NKAIN3: variants seen among roughly 807,000 people sequenced by gnomAD.
NKAIN3 encodes sodium/potassium transporting ATPase interacting 3, also known as sodium/potassium-transporting ATPase subunit beta-1-interacting protein 3.
In NKAIN3, 25 loss-of-function variants were observed where a neutral mutation model predicts 30.2. The ratio of observed to expected loss-of-function variants is 0.83; its 90% confidence interval spans 0.60 to 1.16. The LOEUF (loss-of-function observed/expected upper bound fraction) is 1.16, where lower values mean the gene tolerates loss of function less well. Ranked by LOEUF, NKAIN3 falls within the 50% of genes most tolerant of loss-of-function variation. The pLI, the probability that NKAIN3 is intolerant of heterozygous loss-of-function variation, is 0.00. For synonymous variants in NKAIN3, 91 were observed against 89.6 expected (o/e 1.02, Z -0.09); for missense variants, 225 against 254.1 (o/e 0.89, Z 0.78).
At position 62,979,753 on chromosome 8, in the gene NKAIN3, T is replaced by C. The variant is rs142274035; in HGVS notation, c.*14346T>C. The stretch of plus-strand genomic sequence containing the variant: ...CAGTCTAGTCTTCTTTCCTCTGCAC[T>C]TGGTGGCCATCAGCTGTAACAAGTC... On this transcript the variant is annotated 3_prime_UTR_variant, in exon 7 of 7. Transcript: ENST00000623646. The C allele has an allele frequency of 2.0e-4, 30 of 152,366 alleles. No individual in the cohort carries two copies. Among genetic ancestry groups the C allele is most frequent in the African/African-American group, 6.7e-4 (28 of 41,584 alleles). The allele number at this position is 152,366 out of a possible 1,614,324, so 9.4% of individuals were successfully genotyped here.
At chr8:62,728,085 A>G (rs1005211100) in intron 3 of NKAIN3, among the ~76,000 whole-genome samples, 2 of 152,220 alleles carry the variant, frequency 1.3e-5, no homozygotes, top group Non-Finnish European at 2.9e-5. Flanking sequence ...AAATGATACT[A>G]TAACAACTGG....
At chr8:62,258,886 C>T (rs1231005750) in intron 1 of NKAIN3, among the ~76,000 whole-genome samples, 1 of 152,144 alleles carries the variant, frequency 6.6e-6, no homozygotes, top group Non-Finnish European at 1.5e-5. Context: ...CTGGAGCAAA[C>T]AGCAGATCAG....
chr8:62,720,838 G>A (rs1815066191), intron 3 of NKAIN3, among the ~76,000 whole-genome samples: 1 of 152,180 alleles, frequency 6.6e-6, no homozygotes, highest in Non-Finnish European at 1.5e-5. Flanking sequence ...ACATTAACTT[G>A]TTCATAGAAG....
At chr8:62,558,054 G>T (rs150782040) in intron 1 of NKAIN3, among the ~76,000 whole-genome samples, 2 of 152,062 alleles carry the variant, frequency 1.3e-5, no homozygotes, top group Non-Finnish European at 2.9e-5. Flanking sequence ...TTAGATTTAA[G>T]TCCTTGACCC....
At chr8:62,867,869 T>C (rs1279351431) in intron 4 of NKAIN3, among the ~76,000 whole-genome samples, 1 of 152,256 alleles carries the variant, frequency 6.6e-6, no homozygotes, top group African/African-American at 2.4e-5. Flanking sequence ...TAGATCCCTT[T>C]GTTTTATGTG....
At chr8:62,458,415 C>A (rs1330401484) in intron 1 of NKAIN3, among the ~76,000 whole-genome samples, 1 of 152,126 alleles carries the variant, frequency 6.6e-6, no homozygotes, top group East Asian at 1.9e-4. Flanking sequence ...CCATGGGAAC[C>A]AGACTGCAGA....
chr8:62,415,991 C>G (rs1250649232), intron 1 of NKAIN3, among the ~76,000 whole-genome samples: 1 of 151,982 alleles, frequency 6.6e-6, no homozygotes, highest in Non-Finnish European at 1.5e-5. Flanking sequence ...CTCCTGACCT[C>G]GTGATCCTCC....
intron 4 of NKAIN3, among the ~76,000 whole-genome samples, chr8:62,755,368 A>G (rs1397072665): frequency 6.6e-6 from 1 of 152,206 alleles, no homozygotes; most frequent in Non-Finnish European, 1.5e-5. Context: ...CCACTATTAG[A>G]AAGTAAAAAT....
intron 1 of NKAIN3, among the ~76,000 whole-genome samples, chr8:62,514,804 ATC>A: frequency 6.6e-6 from 1 of 152,016 alleles, no homozygotes; most frequent in East Asian, 1.9e-4. Context: ...TGTTCCACCG[ATC>A]TCTCTTTCCT....
intron 1 of NKAIN3, among the ~76,000 whole-genome samples, chr8:62,548,636 T>C (rs1163039058): frequency 6.6e-6 from 1 of 152,118 alleles, no homozygotes; most frequent in African/African-American, 2.4e-5. Flanking sequence ...TGGAGTAAAA[T>C]GTCAGAAAAT....
At chr8:62,425,218 C>G (rs1452975695) in intron 1 of NKAIN3, among the ~76,000 whole-genome samples, 1 of 151,688 alleles carries the variant, frequency 6.6e-6, no homozygotes, top group Non-Finnish European at 1.5e-5. Context: ...AACATTGTGT[C>G]TATAGTTAAC....
intron 1 of NKAIN3, among the ~76,000 whole-genome samples, chr8:62,415,256 T>C (rs1399760590): frequency 7.0e-6 from 1 of 143,710 alleles, no homozygotes; most frequent in Non-Finnish European, 1.5e-5. Context: ...ATATAATAAA[T>C]ATAATATACA....
intron 4 of NKAIN3, chr8:62,855,430 T>C: frequency 9.1e-7 from 1 of 1,094,714 alleles, no homozygotes; most frequent in Non-Finnish European, 1.4e-6. Context: ...TCAGCTCCTC[T>C]TCTGAATACT....
chr8:62,574,664 CA>C (rs1451551626), intron 1 of NKAIN3, among the ~76,000 whole-genome samples: 1 of 152,008 alleles, frequency 6.6e-6, no homozygotes, highest in Admixed American at 6.6e-5. Flanking sequence ...TTTCCACCAA[CA>C]GTGTACAGGG....
At position 62,918,467 on chromosome 8, in the gene NKAIN3, G is replaced by A. The variant is rs753961459; in HGVS notation, c.486G>A (p.Val162=). ...CCCTTTTGCAGTTGGTGGGTTTTGT[G>A]TATGCCTGTTATGTGATCAGTATTT... ...VQILLSLVGF[V]YACYVISISM... The change falls in exon 5 of 7, where the codon GTG becomes GTA. Residue 162 remains valine, a synonymous_variant. Coordinates refer to ENST00000623646, the MANE Select transcript of NKAIN3 (RefSeq NM_001304533.3). The A allele has an allele frequency of 6.2e-7, 1 of 1,613,052 alleles. No individual in the cohort carries two copies. Among genetic ancestry groups the A allele is most frequent in the East Asian group, 2.2e-5 (1 of 44,828 alleles).
intron 4 of NKAIN3, among the ~76,000 whole-genome samples, chr8:62,874,442 G>A (rs1018456302): frequency 2.0e-5 from 3 of 152,188 alleles, no homozygotes; most frequent in Non-Finnish European, 4.4e-5. Flanking sequence ...TTGAAAAGGA[G>A]GGACTCCTCC....
chr8:62,874,226 A>G (rs987005213), intron 4 of NKAIN3, among the ~76,000 whole-genome samples: 6 of 152,276 alleles, frequency 3.9e-5, no homozygotes, highest in Admixed American at 1.3e-4. Flanking sequence ...AAACTAGACA[A>G]TCTAGAAGAA....
At chr8:62,895,630 T>C in intron 4 of NKAIN3, among the ~76,000 whole-genome samples, 1 of 152,160 alleles carries the variant, frequency 6.6e-6, no homozygotes, top group African/African-American at 2.4e-5. Flanking sequence ...CTGGAAGTAA[T>C]TCCATATCCT....
chr8:62,918,440 T>C lies in NKAIN3; in HGVS notation c.472-13T>C, dbSNP rs1275089612. 1 of 1,604,640 alleles carries C rather than the reference T, an allele frequency of 6.2e-7. No homozygotes were observed. Among genetic ancestry groups the C allele is most frequent in the South Asian group, 1.1e-5 (1 of 90,716 alleles). ...CATAGATTCTTAAGGTACACATTTTTTCCCTTTTGCAGTTGGTGGGTTTTG... is the reference window on the plus strand; with the variant it reads ...CATAGATTCTTAAGGTACACATTTTCTCCCTTTTGCAGTTGGTGGGTTTTG... On this transcript the variant is annotated splice_polypyrimidine_tract_variant and intron_variant, in intron 4 of 6. Coordinates refer to ENST00000623646, the MANE Select transcript of NKAIN3 (RefSeq NM_001304533.3).
Sources: gnomAD v4.1 joint callset for allele counts (sites outside exome capture counted in the v4.1 genomes callset) on GRCh38, gnomAD v4.1.1 for gene constraint, MANE v1.5 for transcripts, NCBI Gene and HGNC (gene_info 2026-07-23, HGNC 2026-07-21) for gene names.